C4BPA: variants seen among roughly 807,000 people sequenced by gnomAD.
C4BPA encodes complement component 4 binding protein alpha.
In C4BPA, 31 loss-of-function variants were observed where a neutral mutation model predicts 63.7. That is an observed-to-expected ratio of 0.49 (90% CI 0.37 to 0.66). The LOEUF (loss-of-function observed/expected upper bound fraction) is 0.66, where lower values mean the gene tolerates loss of function less well. C4BPA is among the 30% of genes least tolerant of loss of function. C4BPA has a pLI of 0.00. For missense variants in C4BPA, 572 were observed against 723.3 expected (o/e 0.79, Z 2.40); for synonymous variants, 259 against 254.7 (o/e 1.02, Z -0.16).
At chr1:207,113,362 C>T (rs1684710304) in intron 2 of C4BPA, among the ~76,000 whole-genome samples, 195 bp downstream of exon 2, 2 of 152,098 alleles carry the variant, frequency 1.3e-5, no homozygotes, top group African/African-American at 4.8e-5. Context: ...AGACACTTTC[C>T]CCTAGATTTT....
At chr1:207,132,255 G>A (rs1225738576) in intron 8 of C4BPA, among the ~76,000 whole-genome samples, 4 of 152,168 alleles carry the variant, frequency 2.6e-5, no homozygotes, top group African/African-American at 9.7e-5. Flanking sequence ...TTCTCACTTC[G>A]TAAGGATAGA....
intron 1 of C4BPA, among the ~76,000 whole-genome samples, chr1:207,107,394 A>T (rs12065624): frequency 0.1 from 15,733 of 152,124 alleles, 979 homozygotes; most frequent in East Asian, 0.2. Flanking sequence ...ACAAAAAATT[A>T]AAAAATTAGC....
chr1:207,131,578 G>A lies in C4BPA; in HGVS notation c.922G>A (p.Ala308Thr). The change falls in exon 8 of 12, where the codon GCT becomes ACT. Residue 308 changes from alanine (A) to threonine (T), a missense_variant. Transcript: ENST00000367070. Reference sequence around the variant, plus strand: ...TATTAATTTACCAGACATTCCACATGCTTCCTGGGAAACATATCCTAGGCC... The same window carrying A: ...TATTAATTTACCAGACATTCCACATACTTCCTGGGAAACATATCCTAGGCC... ...SCINLPDIPH[A>T]SWETYPRPTK... 6.2e-7 allele frequency: 1 copy of A among 1,611,910 alleles called. No homozygotes were observed. Among genetic ancestry groups the A allele is most frequent in the Non-Finnish European group, 8.5e-7 (1 of 1,178,518 alleles).
At position 207,143,820 on chromosome 1, in the gene C4BPA, C is replaced by G. The variant is rs1207037757; in HGVS notation, c.1447C>G (p.Leu483Val). 3 of 1,609,106 alleles carry G rather than the reference C, an allele frequency of 1.9e-6. No individual in the cohort carries two copies. The highest frequency in any genetic ancestry group is 1.7e-6 in the Non-Finnish European group (2 of 1,175,822). ...WSAPAPQCKALCRKPELVNGR... is the reference protein window; with the variant it reads ...WSAPAPQCKAVCRKPELVNGR... ...TTAAAAATATGTTTCCATTACAGCT[C>G]TGTGTCGGAAACCAGAATTAGTGAA... The change falls in exon 11 of 12, where the codon CTG becomes GTG. Residue 483 changes from leucine to valine, a missense_variant and splice_region_variant. Leu to Val is a conservative substitution (Grantham distance 32, BLOSUM62 1). Coordinates refer to ENST00000367070, the MANE Select transcript of C4BPA (RefSeq NM_000715.4).
At chr1:207,114,355 T>G in intron 3 of C4BPA, 70 bp downstream of exon 3, 1 of 1,205,172 alleles carries the variant, frequency 8.3e-7, no homozygotes, top group Non-Finnish European at 1.2e-6. Context: ...AAACTAAATT[T>G]TCTGAATCTT....
At chr1:207,144,049 T>C in intron 11 of C4BPA, 56 bp downstream of exon 11, 1 of 1,346,604 alleles carries the variant, frequency 7.4e-7, no homozygotes, top group Non-Finnish European at 1.0e-6. Flanking sequence ...AATGGTGGCA[T>C]CCCCCAGAGC....
At chr1:207,139,100 G>T (rs546680158) in intron 9 of C4BPA, among the ~76,000 whole-genome samples, 246 of 152,270 alleles carry the variant, frequency 1.6e-3, no homozygotes, top group Non-Finnish European at 2.6e-3. Flanking sequence ...ACCTGCAAAT[G>T]TACACTCCTC....
intron 3 of C4BPA, among the ~76,000 whole-genome samples, chr1:207,114,956 A>G (rs1010835262): frequency 7.2e-5 from 11 of 152,190 alleles, no homozygotes; most frequent in Admixed American, 2.0e-4. Flanking sequence ...ACCTCACTCA[A>G]AATATTTGCT....
chr1:207,124,504 G>A, intron 6 of C4BPA, 138 bp downstream of exon 6: 3 of 664,090 alleles, frequency 4.5e-6, no homozygotes, highest in Non-Finnish European at 7.6e-6. Flanking sequence ...CATTTATTTG[G>A]CCACCTGATA....
At chr1:207,141,024 A>G (rs1017290529) in intron 9 of C4BPA, 82 bp from the exon 10 acceptor site, 8 of 1,113,050 alleles carry the variant, frequency 7.2e-6, no homozygotes, top group South Asian at 1.6e-5. Flanking sequence ...GAAGCCTCCT[A>G]CAAACTACAT....
chr1:207,111,991 C>T (rs148766026), intron 1 of C4BPA, among the ~76,000 whole-genome samples: 2 of 151,768 alleles, frequency 1.3e-5, no homozygotes, highest in East Asian at 3.9e-4. Context: ...AATAGAACTC[C>T]CCTTTGATTC....
intron 4 of C4BPA, among the ~76,000 whole-genome samples, chr1:207,118,161 GTCTGTCTA>G (rs34582755): frequency 0.33 from 45,926 of 137,422 alleles, 9,172 homozygotes; most frequent in East Asian, 0.64. Flanking sequence ...CTGTCTGTCT[GTCTGTCTA>G]TCTATCTATA....
At chr1:207,129,008 A>G (rs1222070019) in intron 7 of C4BPA, among the ~76,000 whole-genome samples, 3 of 152,222 alleles carry the variant, frequency 2.0e-5, no homozygotes, top group African/African-American at 7.2e-5. Context: ...GCTATTATAA[A>G]TATGTCCCAA....
intron 10 of C4BPA, among the ~76,000 whole-genome samples, chr1:207,142,326 A>G (rs1341974537): frequency 6.6e-6 from 1 of 152,068 alleles, no homozygotes; most frequent in Non-Finnish European, 1.5e-5. Context: ...TCATTGATGG[A>G]CATTTGGGTT....
intron 6 of C4BPA, among the ~76,000 whole-genome samples, chr1:207,124,776 C>T (rs1170906281): frequency 6.6e-6 from 1 of 152,200 alleles, no homozygotes; most frequent in East Asian, 1.9e-4. Context: ...TTCACAGTCT[C>T]TTCAGTAGAC....
chr1:207,122,653 A>T (rs1252879310), intron 4 of C4BPA, among the ~76,000 whole-genome samples: 1 of 152,308 alleles, frequency 6.6e-6, no homozygotes, highest in African/African-American at 2.4e-5. Flanking sequence ...AGCTCACTGC[A>T]GCCTCAACTT....
chr1:207,126,614 G>T, intron 6 of C4BPA, 99 bp from the exon 7 acceptor site: 2 of 790,304 alleles, frequency 2.5e-6, no homozygotes, highest in South Asian at 3.6e-5. Flanking sequence ...CATTCAACAG[G>T]CATTTGTGTT....
intron 4 of C4BPA, among the ~76,000 whole-genome samples, chr1:207,118,247 C>CT (rs1553256039): frequency 1.1e-3 from 68 of 61,786 alleles, no homozygotes; most frequent in African/African-American, 1.9e-3. Context: ...ATCTATCTAT[C>CT]ATCTATCTAC....
At position 207,115,453 on chromosome 1, in the gene C4BPA, G is replaced by A; in HGVS notation, c.366G>A (p.Gly122=). Residue 122 remains glycine (G), a synonymous_variant, in exon 4 of 12, where the codon GGG becomes GGA. Coordinates refer to ENST00000367070, the MANE Select transcript of C4BPA (RefSeq NM_000715.4). The stretch of plus-strand genomic sequence containing the variant: ...GACACCCAGGAGAGTTACGTAATGG[G>A]CAAGTAGAGATTAAGACAGATTTAT... ...RCRHPGELRN[G]QVEIKTDLSF... 1 of 1,600,380 alleles carries A rather than the reference G, an allele frequency of 6.2e-7. No individual in the cohort carries two copies. Among genetic ancestry groups the A allele is most frequent in the Non-Finnish European group, 8.5e-7 (1 of 1,175,746 alleles).
Sources: allele counts gnomAD v4.1 joint callset (sites outside exome capture counted in the v4.1 genomes callset), GRCh38; gene constraint gnomAD v4.1.1; transcripts MANE v1.5; gene names NCBI Gene and HGNC (gene_info 2026-07-23, HGNC 2026-07-21).